Variants in RIPOR2 observed in about 807,000 individuals in gnomAD.
RIPOR2 encodes the protein RHO family interacting cell polarization regulator 2, also known as rho family-interacting cell polarization regulator 2.
RIPOR2 carries 39 observed loss-of-function variants against 114.5 expected under a neutral mutation model. The observed-to-expected ratio is 0.34, with a 90% CI of 0.26 to 0.44. RIPOR2 has a LOEUF of 0.44. Among genes scored for constraint, RIPOR2 ranks in the 20% least tolerant of loss-of-function variants. The pLI is 1.00. For missense variants in RIPOR2, 1,007 were observed against 1,255.1 expected (o/e 0.80, Z 2.99); for synonymous variants, 445 against 484.4 (o/e 0.92, Z 1.07).
At chr6:24,984,886 A>G (rs1364171042) in intron 1 of RIPOR2, among the ~76,000 whole-genome samples, 1 of 152,200 alleles carries the variant, frequency 6.6e-6, no homozygotes, top group Non-Finnish European at 1.5e-5. Flanking sequence ...CCAACAAGGC[A>G]GCCTGGTTGA....
At chr6:24,996,922 C>T (rs1053442131) in intron 1 of RIPOR2, among the ~76,000 whole-genome samples, 1 of 152,246 alleles carries the variant, frequency 6.6e-6, no homozygotes, top group South Asian at 2.1e-4. Flanking sequence ...CGGTACAGAA[C>T]AACTACTTGG....
chr6:24,867,801 T>C (rs1360937074), intron 6 of RIPOR2, among the ~76,000 whole-genome samples: 1 of 152,222 alleles, frequency 6.6e-6, no homozygotes, highest in East Asian at 1.9e-4. Context: ...CAGTCAGCAG[T>C]GGCTCATTAA....
At position 24,984,651 on chromosome 6, in the gene RIPOR2, C is replaced by CAAAA. The variant is rs34218427; in HGVS notation, c.76+57196_76+57199dup. Among the ~76,000 whole-genome samples the CAAAA allele has an allele frequency of 7.6e-4, 113 of 148,008 alleles. 2 individuals carry two copies. Among genetic ancestry groups the CAAAA allele is most frequent in the Non-Finnish European group, 6.8e-4 (46 of 67,198 alleles). ...GACAACATAGTGAGACCCCGTCTCTCAAAAAAAAAACCTAAAAAATAAATA... is the reference window on the plus strand; with the variant it reads ...GACAACATAGTGAGACCCCGTCTCTCAAAAAAAAAAAAAACCTAAAAAATAAATA... On this transcript the variant is annotated intron_variant, in intron 1 of 13. Coordinates refer to the RIPOR2 transcript ENST00000510784.
In RIPOR2 at chr6:24,842,856, A is replaced by G; in HGVS notation, c.1857+6T>C. 1 of 1,418,152 alleles carries G rather than the reference A, an allele frequency of 7.1e-7. No individual in the cohort carries two copies. The highest frequency in any genetic ancestry group is 9.3e-7 in the Non-Finnish European group (1 of 1,075,482). 87.8% of individuals were successfully genotyped at this position (1,418,152 alleles called of 1,614,324 possible). A position where few individuals can be genotyped will look rare whatever the true frequency, so the allele number is the denominator to read the frequency against. On this transcript the variant is annotated splice_donor_region_variant and intron_variant, in intron 13 of 21. Transcript: ENST00000643898. ...CCTAATCCAATTTCTCTGAAAAGGT[A>G]CTTACTTTTAGAATATCATCCAAAT...
chr6:24,869,718 T>C (rs1286058488), intron 5 of RIPOR2, among the ~76,000 whole-genome samples: 1 of 152,212 alleles, frequency 6.6e-6, no homozygotes, highest in African/African-American at 2.4e-5. Context: ...GCCAATCCAA[T>C]GGAAGTCATT....
chr6:24,922,155 A>T (rs926533583), intron 1 of RIPOR2, among the ~76,000 whole-genome samples: 19 of 151,930 alleles, frequency 1.3e-4, no homozygotes, highest in Non-Finnish European at 1.0e-4. Flanking sequence ...GAATAATAAT[A>T]AAAAAAACCT....
chr6:24,943,524 G>A (rs909373586), intron 1 of RIPOR2, among the ~76,000 whole-genome samples: 1 of 152,018 alleles, frequency 6.6e-6, no homozygotes, highest in Non-Finnish European at 1.5e-5. Context: ...TTCCATAAAA[G>A]CAATAAGAAA....
At chr6:24,951,130 T>C (rs9467358) in intron 1 of RIPOR2, among the ~76,000 whole-genome samples, 3,190 of 152,262 alleles carry the variant, frequency 0.021, 106 homozygotes, top group African/African-American at 0.071. Flanking sequence ...ATGGAAGTGG[T>C]AGAATGACAC....
chr6:24,918,872 G>A (rs913104557), intron 1 of RIPOR2, among the ~76,000 whole-genome samples: 1 of 152,136 alleles, frequency 6.6e-6, no homozygotes, highest in Non-Finnish European at 1.5e-5. Context: ...AAAAAGGCCT[G>A]TGCCTCCTCT....
chr6:25,005,738 T>TATATATACATACATAC lies in RIPOR2; in HGVS notation c.76+36112_76+36113insGTATGTATGTATATAT, dbSNP rs34572978. ...ATATATATATATATATATATATATA[T>TATATATACATACATAC]ATACATTTACCGATCAAAAGATATG... is the stretch of plus-strand genomic sequence containing the variant. On this transcript the variant is annotated intron_variant, in intron 1 of 13. Coordinates refer to the RIPOR2 transcript ENST00000510784. 1.3e-4 allele frequency among the ~76,000 whole-genome samples: 9 copies of TATATATACATACATAC among 70,700 alleles called. 1 individual carries two copies. Among genetic ancestry groups the TATATATACATACATAC allele is most frequent in the Non-Finnish European group, 2.0e-4 (6 of 30,032 alleles). The allele number at this position is 70,700 out of a possible 152,430, so 46.4% of individuals were successfully genotyped here. A position where few individuals can be genotyped will look rare whatever the true frequency, so the allele number is the denominator to read the frequency against.
chr6:24,946,651 G>T (rs1772426291), intron 1 of RIPOR2, among the ~76,000 whole-genome samples: 1 of 152,158 alleles, frequency 6.6e-6, no homozygotes, highest in African/African-American at 2.4e-5. Context: ...ACTACAGCAG[G>T]ACCTGTAGGG....
intron 19 of RIPOR2, among the ~76,000 whole-genome samples, chr6:24,824,483 G>C (rs557665497): frequency 1.3e-5 from 2 of 152,318 alleles, no homozygotes; most frequent in African/African-American, 4.8e-5. Flanking sequence ...TCTGGATTTT[G>C]ATGAGAGTTA....
chr6:24,982,379 T>C (rs188733505), intron 1 of RIPOR2, among the ~76,000 whole-genome samples: 138 of 152,358 alleles, frequency 9.1e-4, no homozygotes, highest in Non-Finnish European at 1.5e-3. Flanking sequence ...TGTGACTGAA[T>C]GTGAATGAAA....
intron 1 of RIPOR2, among the ~76,000 whole-genome samples, chr6:24,881,193 G>A (rs759569246): frequency 1.3e-5 from 2 of 152,188 alleles, no homozygotes; most frequent in South Asian, 2.1e-4. Context: ...GCAGTGAGCC[G>A]AGATCACGCC....
At position 24,841,617 on chromosome 6, in the gene RIPOR2, A is replaced by AT. The variant is rs11336541; in HGVS notation, c.1857+1244dup. ...GGCTACATATAAAAACAATCACCAT[A>AT]TTTTTTTTTTTTTTTTTTGAGACAG... On this transcript the variant is annotated intron_variant, in intron 13 of 21. Coordinates refer to ENST00000643898, the MANE Select transcript of RIPOR2 (RefSeq NM_001286445.3). Among the ~76,000 whole-genome samples, 463 of 127,490 alleles carry AT rather than the reference A, an allele frequency of 3.6e-3. 2 individuals carry two copies. The highest frequency in any genetic ancestry group is 0.012 in the African/African-American group (433 of 34,868). The allele number at this position is 127,490 out of a possible 152,430, so 83.6% of individuals were successfully genotyped here.
intron 1 of RIPOR2, among the ~76,000 whole-genome samples, chr6:24,943,237 A>G (rs1324197693): frequency 6.6e-6 from 1 of 152,168 alleles, no homozygotes; most frequent in Non-Finnish European, 1.5e-5. Flanking sequence ...AAATTATCGC[A>G]AGGACAAAAA....
intron 1 of RIPOR2, among the ~76,000 whole-genome samples, chr6:24,958,223 T>C (rs977484789): frequency 3.3e-5 from 5 of 152,238 alleles, no homozygotes; most frequent in South Asian, 2.1e-4. Flanking sequence ...AGTATGGTCA[T>C]ATGTACAAAT....
intron 1 of RIPOR2, among the ~76,000 whole-genome samples, chr6:25,028,404 C>A (rs1459293599): frequency 6.6e-6 from 1 of 152,160 alleles, no homozygotes; most frequent in African/African-American, 2.4e-5. Context: ...GCAGTGAAAA[C>A]CCGCTCTGGA....
At chr6:24,840,604 C>T (rs150401270) in intron 13 of RIPOR2, 157 of 1,506,640 alleles carry the variant, frequency 1.0e-4, no homozygotes, top group Middle Eastern at 4.7e-4. Flanking sequence ...GATTTCTTAG[C>T]GCAAGGTAGG....
Sources: allele counts gnomAD v4.1 joint callset (sites outside exome capture counted in the v4.1 genomes callset), GRCh38; gene constraint gnomAD v4.1.1; transcripts MANE v1.5; gene names NCBI Gene and HGNC (gene_info 2026-07-23, HGNC 2026-07-21).